The following CUBN variants were observed in gnomAD, a reference collection of about 807,000 sequenced individuals.
The protein encoded by CUBN is 460 kDa receptor.
CUBN carries 282 observed loss-of-function variants against 405.3 expected under a neutral mutation model. The observed-to-expected ratio is 0.70, with a 90% CI of 0.63 to 0.77. CUBN has a LOEUF of 0.77. CUBN is among the 30% of genes least tolerant of loss of function. CUBN has a pLI of 0.00. For missense variants in CUBN, 4,514 were observed against 4,475.2 expected (o/e 1.01, Z -0.25); for synonymous variants, 1,684 against 1,617.0 (o/e 1.04, Z -0.99).
chr10:16,924,338 G>A (rs1476261132), intron 43 of CUBN, among the ~76,000 whole-genome samples: 2 of 152,158 alleles, frequency 1.3e-5, no homozygotes, highest in Admixed American at 6.5e-5. Flanking sequence ...CCAGAGCTCT[G>A]GGAAGTGACC....
intron 28 of CUBN, among the ~76,000 whole-genome samples, chr10:17,010,575 G>C (rs77558030): frequency 7.2e-5 from 11 of 152,242 alleles, no homozygotes; most frequent in Admixed American, 2.0e-4. Context: ...AGAGCTCAAG[G>C]CTCCAGTGAG....
At chr10:16,938,830 C>T in intron 38 of CUBN, 133 bp downstream of exon 38, 2 of 765,910 alleles carry the variant, frequency 2.6e-6, no homozygotes, top group Non-Finnish European at 2.2e-6. Context: ...TAGAGGCAGT[C>T]TGCTCTAAAC....
intron 6 of CUBN, among the ~76,000 whole-genome samples, chr10:17,117,663 C>T (rs945866041): frequency 6.6e-5 from 10 of 152,150 alleles, no homozygotes; most frequent in African/African-American, 2.2e-4. Flanking sequence ...CTCTTGACCT[C>T]AGGTGATCTG....
chr10:16,937,490 T>C, intron 39 of CUBN, 102 bp downstream of exon 39: 1 of 929,612 alleles, frequency 1.1e-6, no homozygotes, highest in East Asian at 2.6e-5. Flanking sequence ...GCTTTGGGGC[T>C]GTACTTATTT....
In CUBN at chr10:17,102,253, CTATTTATTTATTTATT is replaced by C. The variant is rs58806014; in HGVS notation, c.1530+856_1530+871del. On this transcript the variant is annotated intron_variant, in intron 13 of 66. Transcript: ENST00000377833. ...TTTCATCTATAAAAGGAGGATCCTC[CTATTTATTTATTTATT>C]TATTTATTTATTTATTTATTTATTT... 1.3e-3 allele frequency among the ~76,000 whole-genome samples: 193 copies of C among 144,248 alleles called. 3 individuals are homozygous for C. In the East Asian group the frequency reaches 0.021, roughly 16 times the overall value. 94.6% of individuals were successfully genotyped at this position (144,248 alleles called of 152,430 possible).
At chr10:17,011,459 G>A (rs537885206) in intron 28 of CUBN, among the ~76,000 whole-genome samples, 8 of 152,242 alleles carry the variant, frequency 5.3e-5, no homozygotes, top group African/African-American at 1.7e-4. Flanking sequence ...TGGTCTTGCT[G>A]ACTTCAGGAA....
intron 8 of CUBN, among the ~76,000 whole-genome samples, chr10:17,112,499 AAAG>A (rs1466663396): frequency 6.6e-6 from 1 of 152,166 alleles, no homozygotes; most frequent in East Asian, 1.9e-4. Context: ...CCAACAATAA[AAAG>A]AAGAATGTAA....
Position 16,925,284 on chromosome 10 carries a change from A to G in CUBN, c.6603T>C (p.Asn2201=). 2.5e-6 allele frequency: 4 copies of G among 1,613,820 alleles called. No homozygotes were observed. Among genetic ancestry groups the G allele is most frequent in the Non-Finnish European group, 3.4e-6 (4 of 1,179,776 alleles). ...MFVQFISDHS[N]EGQGFKIKYE... ...ATTTGATTTTAAATCCTTGCCCTTC[A>G]TTACTGTGATCAGAAATAAACTGAA... Residue 2201 remains asparagine, a synonymous_variant, in exon 43 of 67, where the codon AAT becomes AAC. Coordinates refer to ENST00000377833, the MANE Select transcript of CUBN (RefSeq NM_001081.4).
At chr10:16,904,244 T>C in intron 50 of CUBN, 129 bp from the exon 51 acceptor site, 1 of 863,096 alleles carries the variant, frequency 1.2e-6, no homozygotes, top group Non-Finnish European at 1.9e-6. Flanking sequence ...GTAGCAGACA[T>C]TGCACAATAT....
rs1554788544 is a variant in CUBN, at chr10:16,889,935, C to CAAAAA, written c.8755+431_8755+435dup. On this transcript the variant is annotated intron_variant, in intron 55 of 66. Transcript: ENST00000377833. Reference sequence around the variant, plus strand: ...CTGGCGACAGAGTGAGACGCCGTGTCAAAAAAAAAAAAAAAAAACAGGAAA... The same window carrying CAAAAA: ...CTGGCGACAGAGTGAGACGCCGTGTCAAAAAAAAAAAAAAAAAAAAAAACAGGAAA... Among the ~76,000 whole-genome samples, 4 of 19,908 alleles carry CAAAAA rather than the reference C, an allele frequency of 2.0e-4. 2 individuals carry two copies. The highest frequency in any genetic ancestry group is 4.2e-4 in the Non-Finnish European group (4 of 9,578). The allele number at this position is 19,908 out of a possible 152,430, so 13.1% of individuals were successfully genotyped here. A position where few individuals can be genotyped will look rare whatever the true frequency, so the allele number is the denominator to read the frequency against.
chr10:16,905,965 T>G, intron 50 of CUBN, among the ~76,000 whole-genome samples: 1 of 152,034 alleles, frequency 6.6e-6, no homozygotes, highest in East Asian at 1.9e-4. Context: ...ATTTTAATAA[T>G]TAGTTGTATG....
In CUBN at chr10:17,085,749, C is replaced by G. The variant is rs368752574; in HGVS notation, c.1958G>C (p.Gly653Ala). The stretch of plus-strand genomic sequence containing the variant: ...AAGAAGGGGGTCCTGATACAAAGGA[C>G]CATCTCGAATCTAAAACAAAAGGAT... ...CNKDYLEIRD[G>A]PLYQDPLLGK... is the part of the protein sequence containing the mutation. Residue 653 changes from glycine to alanine, a missense_variant, in exon 16 of 67, where the codon GGT becomes GCT. Physicochemically the swap from Gly to Ala is moderately conservative, Grantham distance 60. This residue lies in a region of CUBN where 1,448 missense variants were observed against 1,388.0 expected (regional missense o/e 1.04). Transcript: ENST00000377833. 9 of 1,613,732 alleles carry G rather than the reference C, an allele frequency of 5.6e-6. No individual in the cohort carries two copies. Among genetic ancestry groups the G allele is most frequent in the African/African-American group, 1.3e-5 (1 of 74,894 alleles).
intron 20 of CUBN, 114 bp downstream of exon 20, chr10:17,068,491 G>T: frequency 1.0e-6 from 1 of 996,208 alleles, no homozygotes; most frequent in Non-Finnish European, 1.5e-6. Context: ...TTGTCTTTGA[G>T]TGTACTTTAA....
At chr10:16,853,012 A>C (rs996752851) in intron 59 of CUBN, among the ~76,000 whole-genome samples, 25 of 152,348 alleles carry the variant, frequency 1.6e-4, no homozygotes, top group Admixed American at 1.0e-3. Context: ...TAAAAATTTT[A>C]TAATTCAGAA....
At chr10:16,989,928 T>G (rs1055278496) in intron 29 of CUBN, among the ~76,000 whole-genome samples, 1 of 152,208 alleles carries the variant, frequency 6.6e-6, no homozygotes, top group Admixed American at 6.5e-5. Flanking sequence ...TGTGAGGTGT[T>G]AGCCATCCCA....
At chr10:16,843,563 A>G (rs143599320) in intron 60 of CUBN, among the ~76,000 whole-genome samples, 185 of 152,312 alleles carry the variant, frequency 1.2e-3, no homozygotes, top group African/African-American at 4.3e-3. Context: ...GGAAGAGCAC[A>G]TTTGCCAAGT....
intron 59 of CUBN, among the ~76,000 whole-genome samples, chr10:16,852,404 CAT>C (rs1839741171): frequency 7.1e-6 from 1 of 141,464 alleles, no homozygotes; most frequent in Non-Finnish European, 1.5e-5. Context: ...TCCCTCCCTC[CAT>C]CTTTCCCTCC....
rs201421596 is a variant in CUBN at position 17,088,229 on chromosome 10, C to T, written c.1882G>A (p.Val628Ile). 61 of 1,613,750 alleles carry T rather than the reference C, an allele frequency of 3.8e-5. No homozygotes were observed. The highest frequency in any genetic ancestry group is 5.0e-5 in the Non-Finnish European group (59 of 1,179,730). ...WIVVTSPDLL[V>I]TFTFGTLSLE... ...CTCAAGGTCCCAAAAGTAAATGTTA[C>T]CAGGAGGTCAGGACTAGTTACAACA... Residue 628 changes from valine to isoleucine, a missense_variant, in exon 15 of 67, where the codon GTA becomes ATA. By Grantham distance (29) the Val-to-Ile change is conservative (BLOSUM62 3). Around this residue, in one of 5 missense-constraint regions of CUBN, gnomAD observed 1,448 missense variants for 1,388.0 expected, o/e 1.04. Transcript: ENST00000377833.
intron 36 of CUBN, among the ~76,000 whole-genome samples, chr10:16,940,758 G>T (rs1233131664): frequency 6.6e-6 from 1 of 152,136 alleles, no homozygotes; most frequent in African/African-American, 2.4e-5. Flanking sequence ...AAAACACTGA[G>T]TACCTCTAAG....
Sources: allele counts gnomAD v4.1 joint callset (sites outside exome capture counted in the v4.1 genomes callset), GRCh38; gene constraint gnomAD v4.1.1; regional missense constraint gnomAD v4.1.1; transcripts MANE v1.5; gene names NCBI Gene and HGNC (gene_info 2026-07-23, HGNC 2026-07-21).